DTNBP1: variants seen among roughly 807,000 people sequenced by gnomAD.
DTNBP1 encodes dysbindin.
Under a neutral mutation model 42.8 loss-of-function variants are expected in DTNBP1, and 35 were observed. The ratio of observed to expected loss-of-function variants is 0.82; its 90% CI spans 0.63 to 1.09. The LOEUF (loss-of-function observed/expected upper bound fraction) is 1.09. DTNBP1 is among the 50% of genes least tolerant of loss of function. DTNBP1 has a pLI of 0.00. For synonymous variants in DTNBP1, 171 were observed against 162.2 expected (o/e 1.05, Z -0.41); for missense variants, 457 against 424.2 (o/e 1.08, Z -0.68).
chr6:15,544,405 T>C lies in DTNBP1; in HGVS notation c.512-11010A>G, dbSNP rs149550614. On this transcript the variant is annotated intron_variant, in intron 7 of 9. Coordinates refer to ENST00000344537, the MANE Select transcript of DTNBP1 (RefSeq NM_032122.5). Reference sequence around the variant, plus strand: ...TGAGTTCCTACATGAAAATAAGTACTTTCTCTTGCATAAATGCCCAAGAGT... The same window carrying C: ...TGAGTTCCTACATGAAAATAAGTACCTTCTCTTGCATAAATGCCCAAGAGT... Among the ~76,000 whole-genome samples the C allele has an allele frequency of 2.0e-5, 3 of 152,348 alleles. No individual in the cohort carries two copies. The East Asian group carries it at 5.8e-4, about 29-fold the overall frequency.
chr6:15,602,065 A>G (rs368700488), intron 6 of DTNBP1, among the ~76,000 whole-genome samples: 3 of 152,222 alleles, frequency 2.0e-5, no homozygotes, highest in African/African-American at 7.2e-5. Flanking sequence ...TGAGCAATAT[A>G]CCAAAACCCT....
chr6:15,601,714 C>T (rs1003432447), intron 6 of DTNBP1, among the ~76,000 whole-genome samples: 7 of 151,522 alleles, frequency 4.6e-5, no homozygotes, highest in Admixed American at 1.3e-4. Flanking sequence ...GGTGTGGTGG[C>T]GCATGCCTGT....
intron 3 of DTNBP1, among the ~76,000 whole-genome samples, chr6:15,644,175 T>TAAAA (rs35859847): frequency 7.6e-6 from 1 of 132,102 alleles, no homozygotes; most frequent in Non-Finnish European, 1.6e-5. Context: ...CAAGAACAGT[T>TAAAA]AAAAAAAAAA....
intron 1 of DTNBP1, among the ~76,000 whole-genome samples, chr6:15,654,381 T>C (rs1405705923): frequency 6.6e-6 from 1 of 152,200 alleles, no homozygotes; most frequent in Non-Finnish European, 1.5e-5. Context: ...ATCCTAGTTA[T>C]ATACAGCAGT....
chr6:15,536,334 G>C (rs1773225604), intron 7 of DTNBP1, among the ~76,000 whole-genome samples: 1 of 152,234 alleles, frequency 6.6e-6, no homozygotes, highest in African/African-American at 2.4e-5. Context: ...CACAGGCCCT[G>C]AGGCCTAGGA....
At chr6:15,537,398 C>T (rs1773301923) in intron 7 of DTNBP1, among the ~76,000 whole-genome samples, 1 of 150,682 alleles carries the variant, frequency 6.6e-6, no homozygotes, top group South Asian at 2.1e-4. Context: ...TACTGCACTC[C>T]AGCCTGGGCG....
At chr6:15,563,654 C>A (rs903759646) in intron 7 of DTNBP1, among the ~76,000 whole-genome samples, 1 of 152,194 alleles carries the variant, frequency 6.6e-6, no homozygotes, top group African/African-American at 2.4e-5. Context: ...CACAGAAGAG[C>A]CAAATCAGCA....
intron 6 of DTNBP1, among the ~76,000 whole-genome samples, chr6:15,606,767 G>A (rs1192620487): frequency 2.0e-5 from 3 of 151,966 alleles, no homozygotes; most frequent in South Asian, 2.1e-4. Context: ...ACATATTATC[G>A]TTTTCTTCAG....
chr6:15,652,172 C>A, intron 1 of DTNBP1, 32 bp from the exon 2 acceptor site: 2 of 1,500,632 alleles, frequency 1.3e-6, no homozygotes, highest in Non-Finnish European at 9.1e-7. Context: ...AATATTTTTA[C>A]AAGTCAAGAG....
chr6:15,564,146 G>T (rs1774964190), intron 7 of DTNBP1, among the ~76,000 whole-genome samples: 1 of 151,488 alleles, frequency 6.6e-6, no homozygotes, highest in African/African-American at 2.4e-5. Context: ...TCCTCATTTA[G>T]CGGCTCCACA....
intron 8 of DTNBP1, among the ~76,000 whole-genome samples, chr6:15,528,550 G>C (rs1416485311): frequency 6.6e-6 from 1 of 152,220 alleles, no homozygotes; most frequent in Non-Finnish European, 1.5e-5. Flanking sequence ...AGAGAGGCTT[G>C]AAGATTCCTG....
At chr6:15,631,364 A>G (rs759316126) in intron 4 of DTNBP1, among the ~76,000 whole-genome samples, 10 of 152,210 alleles carry the variant, frequency 6.6e-5, no homozygotes, top group Non-Finnish European at 1.0e-4. Flanking sequence ...CACAAATTCA[A>G]TAACACATCT....
At chr6:15,640,861 C>A (rs1562008091) in intron 3 of DTNBP1, among the ~76,000 whole-genome samples, 1 of 152,162 alleles carries the variant, frequency 6.6e-6, no homozygotes, top group Non-Finnish European at 1.5e-5. Flanking sequence ...AGCACAATGA[C>A]AGCTACCCAT....
intron 4 of DTNBP1, among the ~76,000 whole-genome samples, chr6:15,629,280 A>G (rs1581412329): frequency 6.6e-6 from 1 of 152,144 alleles, no homozygotes; most frequent in African/African-American, 2.4e-5. Context: ...GGCAGCCCTC[A>G]TAAATTCTCT....
At chr6:15,600,124 T>C (rs1776671888) in intron 6 of DTNBP1, among the ~76,000 whole-genome samples, 1 of 152,000 alleles carries the variant, frequency 6.6e-6, no homozygotes, top group South Asian at 2.1e-4. Flanking sequence ...TCTCAATCCA[T>C]CCTTACATTG....
At chr6:15,554,921 C>T (rs1387218366) in intron 7 of DTNBP1, among the ~76,000 whole-genome samples, 5 of 151,986 alleles carry the variant, frequency 3.3e-5, no homozygotes, top group Non-Finnish European at 4.4e-5. Flanking sequence ...ATGCGAAAAC[C>T]GCAAAAGGGA....
At chr6:15,582,937 C>A (rs542387338) in intron 7 of DTNBP1, among the ~76,000 whole-genome samples, 1 of 152,148 alleles carries the variant, frequency 6.6e-6, no homozygotes, top group East Asian at 1.9e-4. Flanking sequence ...ACACCATTTT[C>A]CTTCTCAAAT....
chr6:15,640,669 TAGAG>T (rs1333109298), intron 3 of DTNBP1, among the ~76,000 whole-genome samples: 4 of 152,142 alleles, frequency 2.6e-5, no homozygotes, highest in Non-Finnish European at 5.9e-5. Context: ...ATTTAGGAAA[TAGAG>T]AGAAGATGTC....
chr6:15,611,538 T>C (rs1014100012), intron 6 of DTNBP1, among the ~76,000 whole-genome samples: 7 of 152,224 alleles, frequency 4.6e-5, no homozygotes, highest in Non-Finnish European at 1.0e-4. Context: ...ATAGCTGCCA[T>C]AGATAATGAT....
Sources: gnomAD v4.1 joint callset for allele counts (sites outside exome capture counted in the v4.1 genomes callset) on GRCh38, gnomAD v4.1.1 for gene constraint, MANE v1.5 for transcripts, NCBI Gene and HGNC (gene_info 2026-07-23, HGNC 2026-07-21) for gene names.